The following ZNF568 variants were observed in gnomAD, a reference collection of about 807,000 sequenced individuals.
The protein encoded by ZNF568 is p53 inhibitor of SCO2 activation.
ZNF568 carries 11 observed loss-of-function variants against 18.1 expected under a neutral mutation model. The ratio of observed to expected loss-of-function variants is 0.61; its 90% CI spans 0.38 to 1.00. The LOEUF is 1.00. Among genes scored for constraint, ZNF568 ranks in the 50% least tolerant of loss-of-function variants. The pLI is 0.01. For missense variants in ZNF568, 639 were observed against 768.2 expected (o/e 0.83, Z 1.99); for synonymous variants, 213 against 246.6 (o/e 0.86, Z 1.28).
chr19:36,948,325 A>G (rs2073998643), intron 6 of ZNF568, among the ~76,000 whole-genome samples: 1 of 152,152 alleles, frequency 6.6e-6, no homozygotes, highest in African/African-American at 2.4e-5. Flanking sequence ...TTTATCATTG[A>G]TGAATATTTC....
At chr19:36,928,510 A>G (rs1275939882) in intron 4 of ZNF568, among the ~76,000 whole-genome samples, 1 of 152,186 alleles carries the variant, frequency 6.6e-6, no homozygotes, top group Non-Finnish European at 1.5e-5. Context: ...CTAGTCAGGA[A>G]CACAACCAGC....
intron 6 of ZNF568, among the ~76,000 whole-genome samples, chr19:36,971,261 T>C (rs1329706962): frequency 1.5e-5 from 2 of 130,308 alleles, no homozygotes; most frequent in Non-Finnish European, 3.4e-5. Context: ...TTAAACTCTT[T>C]ATGTTTTTTT....
intron 4 of ZNF568, among the ~76,000 whole-genome samples, chr19:36,928,656 A>G (rs182106623): frequency 4.6e-4 from 70 of 152,334 alleles, no homozygotes; most frequent in African/African-American, 1.5e-3. Context: ...CAGAAGAGAA[A>G]CACAAGAATG....
chr19:36,923,612 C>G (rs1254060407), intron 3 of ZNF568, among the ~76,000 whole-genome samples: 1 of 150,712 alleles, frequency 6.6e-6, no homozygotes, highest in East Asian at 1.9e-4. Flanking sequence ...AAATTCAGAG[C>G]TTGTCTCATT....
chr19:36,980,015 T>A (rs1230732911), downstream of ZNF568: 1 of 151,798 alleles, frequency 6.6e-6, no homozygotes, highest in Non-Finnish European at 1.5e-5. Context: ...TTGGCATTCA[T>A]GTTTTCTCTT....
At chr19:36,991,488 C>A in intron 3 of ZNF568, 1 of 762,890 alleles carries the variant, frequency 1.3e-6, no homozygotes, top group Non-Finnish European at 2.0e-6. Flanking sequence ...TTCCAGCAGG[C>A]ACCTTTATCT....
At chr19:36,933,976 C>CT (rs199517024) in intron 4 of ZNF568, among the ~76,000 whole-genome samples, 33 of 74,162 alleles carry the variant, frequency 4.4e-4, no homozygotes, top group African/African-American at 1.0e-3. Context: ...GTCTTTTCAT[C>CT]TTTTCTTTTT....
At chr19:36,989,924 ACCTC>A (rs1339517325) in intron 2 of ZNF568, among the ~76,000 whole-genome samples, 2 of 151,726 alleles carry the variant, frequency 1.3e-5, no homozygotes, top group African/African-American at 4.8e-5. Context: ...AAACTTTCAT[ACCTC>A]CCTTCTTGGA....
chr19:36,956,991 A>T (rs2074111748), downstream of ZNF568, among the ~76,000 whole-genome samples: 1 of 152,192 alleles, frequency 6.6e-6, no homozygotes, highest in Non-Finnish European at 1.5e-5. Flanking sequence ...AAAAAGAATT[A>T]TTTCCAAAAC....
Position 36,996,328 on chromosome 19 carries a change from G to T in ZNF568, c.241G>T (p.Gly81Ter), listed in dbSNP as rs1455906776. The change falls in exon 5 of 5, where the codon GGA becomes TGA. Residue 81 changes from glycine to a stop codon, truncating the protein, a stop_gained. Coordinates refer to the ZNF568 transcript ENST00000433993. LOFTEE classifies it low-confidence loss of function (END_TRUNC). Reference sequence around the variant, plus strand: ...TTATTATTTTGCAGATTGGGAGTTTGGAAGAGAAACCAAGAATTTATCTCC... The same window carrying T: ...TTATTATTTTGCAGATTGGGAGTTTTGAAGAGAAACCAAGAATTTATCTCC... 1 of 1,529,916 alleles carries T rather than the reference G, an allele frequency of 6.5e-7. No individual in the cohort carries two copies. The highest frequency in any genetic ancestry group is 1.4e-5 in the African/African-American group (1 of 72,658). 94.8% of individuals were successfully genotyped at this position (1,529,916 alleles called of 1,614,324 possible). A position where few individuals can be genotyped will look rare whatever the true frequency, so the allele number is the denominator to read the frequency against.
intron 3 of ZNF568, 47 bp downstream of exon 3, chr19:36,922,893 CATTTGGG>C (rs1315789000): frequency 1.9e-6 from 3 of 1,552,112 alleles, no homozygotes; most frequent in Non-Finnish European, 2.7e-6. Context: ...AAAGGCTCTA[CATTTGGG>C]GACAGTGAAA....
exon 5 of ZNF568, chr19:36,997,107 C>G (rs1167747121): frequency 1.3e-6 from 2 of 1,566,230 alleles, no homozygotes; most frequent in South Asian, 2.3e-5. Context: ...ATCAGATAAT[C>G]CATACTGGTG....
chr19:36,932,726 C>A (rs576782578), intron 4 of ZNF568, among the ~76,000 whole-genome samples: 9 of 152,306 alleles, frequency 5.9e-5, no homozygotes, highest in Admixed American at 1.3e-4. Flanking sequence ...TATAGCTGTC[C>A]TAGTGGGTGT....
At chr19:36,945,477 C>G (rs2073949229) in intron 6 of ZNF568, among the ~76,000 whole-genome samples, 1 of 152,010 alleles carries the variant, frequency 6.6e-6, no homozygotes, top group African/African-American at 2.4e-5. Context: ...ATTGTAATAA[C>G]ATTTTATTTT....
At chr19:36,940,045 C>T (rs1231604452) in intron 6 of ZNF568, among the ~76,000 whole-genome samples, 1 of 152,126 alleles carries the variant, frequency 6.6e-6, no homozygotes, top group Non-Finnish European at 1.5e-5. Flanking sequence ...ATTTCTTCTT[C>T]CCTTGTGAAA....
chr19:36,955,851 A>G (rs536823239), downstream of ZNF568, among the ~76,000 whole-genome samples: 5 of 147,242 alleles, frequency 3.4e-5, no homozygotes, highest in Non-Finnish European at 6.0e-5. Flanking sequence ...GATAACTCCT[A>G]TGTTTTTATG....
At position 36,948,084 on chromosome 19, in the gene ZNF568, A is replaced by G. The variant is rs10416137; in HGVS notation, c.359-1428A>G. On this transcript the variant is annotated intron_variant, in intron 6 of 6. Transcript: ENST00000333987. ...AAATGTATAATGACTCAGATCCATT[A>G]TAGTATCTTACAGAATACTTTCACT... Among the ~76,000 whole-genome samples, 532 of 152,308 alleles carry G rather than the reference A, an allele frequency of 3.5e-3. 5 individuals are homozygous for G. Among genetic ancestry groups the G allele is most frequent in the African/African-American group, 0.012 (513 of 41,564 alleles).
At chr19:36,927,647 T>C (rs1040604802) in intron 4 of ZNF568, among the ~76,000 whole-genome samples, 2 of 150,310 alleles carry the variant, frequency 1.3e-5, no homozygotes, top group Admixed American at 1.3e-4. Flanking sequence ...GCACACACAT[T>C]ATTCTTAGTT....
intron 6 of ZNF568, among the ~76,000 whole-genome samples, chr19:36,942,842 A>G (rs1008597611): frequency 2.0e-5 from 3 of 152,152 alleles, no homozygotes; most frequent in Non-Finnish European, 2.9e-5. Flanking sequence ...TAACAACATT[A>G]GTAATAATTT....
Sources: allele counts gnomAD v4.1 joint callset (sites outside exome capture counted in the v4.1 genomes callset), GRCh38; gene constraint gnomAD v4.1.1; transcripts MANE v1.5; gene names NCBI Gene and HGNC (gene_info 2026-07-23, HGNC 2026-07-21).